EHBP1: variants seen among roughly 807,000 people sequenced by gnomAD.
EHBP1 encodes EH domain binding protein 1.
In EHBP1, 55 loss-of-function variants were observed where a neutral mutation model predicts 144.0. The ratio of observed to expected loss-of-function variants is 0.38; its 90% confidence interval spans 0.31 to 0.48. The LOEUF is 0.48. Among genes scored for constraint, EHBP1 ranks in the 20% least tolerant of loss-of-function variants. EHBP1 has a pLI of 0.98. For missense variants in EHBP1, 1,200 were observed against 1,364.2 expected (o/e 0.88, Z 1.90); for synonymous variants, 469 against 472.7 (o/e 0.99, Z 0.10).
chr2:63,045,262 C>G lies in EHBP1; in HGVS notation c.3392+82C>G. The G allele has an allele frequency of 1.4e-6, 2 of 1,429,752 alleles. No individual in the cohort carries two copies. The highest frequency in any genetic ancestry group is 2.0e-5 in the Admixed American group (1 of 50,404). 88.6% of individuals were successfully genotyped at this position (1,429,752 alleles called of 1,614,324 possible). A position where few individuals can be genotyped will look rare whatever the true frequency, so the allele number is the denominator to read the frequency against. On this transcript the variant is annotated intron_variant, in intron 22 of 22. Transcript: ENST00000431489. This position sits in a 1 kb window ranked among gnomAD's most constrained non-coding sequence, Gnocchi z 5.7. ...TGTGCGGAAAGTTCAATCCAGAGGT[C>G]GCGGGAGGGCCGGGGCAGCCTCCCA...
rs1427261674 is a variant in EHBP1, at chr2:62,996,540, T to C, written c.2980-103T>C. 3.6e-6 allele frequency: 5 copies of C among 1,405,592 alleles called. No individual in the cohort carries two copies. In the East Asian group the frequency reaches 9.3e-5, roughly 26 times the overall value. 87.1% of individuals were successfully genotyped at this position (1,405,592 alleles called of 1,614,324 possible). On this transcript the variant is annotated intron_variant, in intron 18 of 22. Transcript: ENST00000431489. The stretch of plus-strand genomic sequence containing the variant: ...TTGGTACTAAGGGTGATACTAACGG[T>C]GTATTTGGTTCTCTAGGTAAGTGCT...
At position 62,681,414 on chromosome 2, in the gene EHBP1, A is replaced by G. The variant is rs943203946; in HGVS notation, c.-296+7331A>G. Among the ~76,000 whole-genome samples the G allele has an allele frequency of 3.2e-3, 283 of 89,316 alleles. 1 individual carries two copies. The highest frequency in any genetic ancestry group is 5.7e-3 in the Admixed American group (40 of 7,064). 58.6% of individuals were successfully genotyped at this position (89,316 alleles called of 152,430 possible). ...TGTATATATGTATATATATATATAC[A>G]CATACAAAAAACTGAATACATGTAA... On this transcript the variant is annotated intron_variant, in intron 1 of 22. Transcript: ENST00000405015.
At chr2:62,841,729 CTTCTTTTCTTTT>C (rs1233210688) in intron 7 of EHBP1, among the ~76,000 whole-genome samples, 5 of 152,018 alleles carry the variant, frequency 3.3e-5, no homozygotes, top group South Asian at 2.1e-4. Flanking sequence ...TGAGTTTTGG[CTTCTTTTCTTTT>C]TTCTTTTCTT....
rs57403564 is a variant in EHBP1, at chr2:62,894,927, A to AAGAGAGAGAGAGAGAGAG, written c.1185+20407_1185+20424dup. The stretch of plus-strand genomic sequence containing the variant: ...CAAGACCCTAGCAAAAACAGAAAGA[A>AAGAGAGAGAGAGAGAGAG]AGAGAGAGAGAGAGAGAGAGAGAGA... On this transcript the variant is annotated intron_variant, in intron 10 of 22. Transcript: ENST00000431489. Among the ~76,000 whole-genome samples, 304 of 141,160 alleles carry AAGAGAGAGAGAGAGAGAG rather than the reference A, an allele frequency of 2.2e-3. 6 individuals carry two copies. Among genetic ancestry groups the AAGAGAGAGAGAGAGAGAG allele is most frequent in the African/African-American group, 6.8e-3 (253 of 37,094 alleles). 92.6% of individuals were successfully genotyped at this position (141,160 alleles called of 152,430 possible). A position where few individuals can be genotyped will look rare whatever the true frequency, so the allele number is the denominator to read the frequency against.
chr2:62,792,482 T>C (rs1347570538), intron 5 of EHBP1, among the ~76,000 whole-genome samples: 2 of 152,076 alleles, frequency 1.3e-5, no homozygotes, highest in Admixed American at 6.6e-5. Flanking sequence ...AACTACATAA[T>C]TGATTTCTGC....
intron 8 of EHBP1, among the ~76,000 whole-genome samples, chr2:62,863,726 T>G (rs1242577352): frequency 6.6e-6 from 1 of 151,954 alleles, no homozygotes; most frequent in Non-Finnish European, 1.5e-5. Context: ...GAATGAATTA[T>G]CAGATCCCTG....
chr2:62,930,015 G>A lies in EHBP1; in HGVS notation c.1186-12703G>A, dbSNP rs535671518. On this transcript the variant is annotated intron_variant, in intron 10 of 22. Coordinates refer to ENST00000431489, the MANE Select transcript of EHBP1 (RefSeq NM_001142616.3). ...TAATCCTAGCACTTTGGGAGGCCAA[G>A]GCAGGAGGATTGCTTGAGCTCAGGA... Among the ~76,000 whole-genome samples, 185 of 152,314 alleles carry A rather than the reference G, an allele frequency of 1.2e-3. 1 individual carries two copies. Among genetic ancestry groups the A allele is most frequent in the African/African-American group, 4.2e-3 (174 of 41,584 alleles).
intron 5 of EHBP1, among the ~76,000 whole-genome samples, chr2:62,783,772 A>C (rs1396533925): frequency 6.6e-6 from 1 of 152,228 alleles, no homozygotes; most frequent in Non-Finnish European, 1.5e-5. Context: ...GCTGCTGTGA[A>C]GGTCTCTGAC....
At chr2:62,900,886 A>G (rs530894118) in intron 10 of EHBP1, among the ~76,000 whole-genome samples, 2 of 152,176 alleles carry the variant, frequency 1.3e-5, no homozygotes, top group East Asian at 3.9e-4. Flanking sequence ...TATGTATTTG[A>G]TTATTTTTTA....
chr2:62,896,333 T>G (rs2052930180), intron 10 of EHBP1, among the ~76,000 whole-genome samples: 2 of 152,146 alleles, frequency 1.3e-5, no homozygotes, highest in African/African-American at 4.8e-5. Flanking sequence ...GTTATACAAG[T>G]CAGAGAACGT....
At chr2:62,959,968 G>C (rs1303182570) in intron 14 of EHBP1, among the ~76,000 whole-genome samples, 3 of 152,146 alleles carry the variant, frequency 2.0e-5, no homozygotes, top group Non-Finnish European at 4.4e-5. Flanking sequence ...CATGTACTCA[G>C]TACAGTTAGC....
intron 1 of EHBP1, among the ~76,000 whole-genome samples, chr2:62,683,565 A>G (rs2033606680): frequency 6.9e-6 from 1 of 145,234 alleles, no homozygotes; most frequent in Non-Finnish European, 1.5e-5. Flanking sequence ...AGGCTGGGGC[A>G]GGAGAATGGT....
chr2:62,895,086 C>T (rs2052791528), intron 10 of EHBP1, among the ~76,000 whole-genome samples: 1 of 152,080 alleles, frequency 6.6e-6, no homozygotes, highest in Non-Finnish European at 1.5e-5. Flanking sequence ...ACTTACATGG[C>T]ATTCCAGAAA....
At chr2:63,042,544 T>A (rs1285673677) in intron 21 of EHBP1, among the ~76,000 whole-genome samples, 1 of 152,090 alleles carries the variant, frequency 6.6e-6, no homozygotes. Context: ...TAAATTCTAA[T>A]GTCATTTAAA....
chr2:63,007,393 A>C lies in EHBP1; in HGVS notation c.3103+10627A>C, dbSNP rs945247320. ...TGACTTTTTCATTCTTTCTGTTTGC[A>C]TGCCAGCTTCTTTTTGTGGCATGCA... On this transcript the variant is annotated intron_variant, in intron 19 of 22. Coordinates refer to ENST00000431489, the MANE Select transcript of EHBP1 (RefSeq NM_001142616.3). Among the ~76,000 whole-genome samples the C allele has an allele frequency of 2.0e-5, 3 of 151,858 alleles. No homozygotes were observed. The East Asian group carries it at 5.8e-4, about 29-fold the overall frequency.
At chr2:62,696,505 C>CTTTTTTTTTTTTTTT (rs2034100748) in intron 1 of EHBP1, among the ~76,000 whole-genome samples, 1 of 99,156 alleles carries the variant, frequency 1.0e-5, no homozygotes, top group Admixed American at 1.2e-4. Flanking sequence ...TCTTTTTTTT[C>CTTTTTTTTTTTTTTT]TTCTTTTTTT....
intron 19 of EHBP1, among the ~76,000 whole-genome samples, chr2:63,024,463 A>G (rs1008952287): frequency 5.3e-5 from 8 of 152,220 alleles, no homozygotes; most frequent in African/African-American, 1.9e-4. Flanking sequence ...TGAGCTCAGC[A>G]TGGTGGCATG....
chr2:62,943,915 A>T, intron 12 of EHBP1, 65 bp downstream of exon 12: 7 of 1,269,756 alleles, frequency 5.5e-6, no homozygotes, highest in Non-Finnish European at 7.9e-6. Context: ...GTCTTTATTA[A>T]TTTGGAGAAA....
chr2:62,949,089 G>T lies in EHBP1; in HGVS notation c.2243G>T (p.Arg748Met), dbSNP rs1168696266. Reference sequence around the variant, plus strand: ...GCTAAGAAAAAACATGCTTCCCTGAGGCAGACGGAGTCTGATCCAGATGCT... The same window carrying T: ...GCTAAGAAAAAACATGCTTCCCTGATGCAGACGGAGTCTGATCCAGATGCT... ...DLAKKKHASLRQTESDPDADR... is the reference protein window; with the variant it reads ...DLAKKKHASLMQTESDPDADR... Residue 748 changes from arginine (R) to methionine (M), a missense_variant, in exon 13 of 23, where the codon AGG becomes ATG. Coordinates refer to ENST00000431489, the MANE Select transcript of EHBP1 (RefSeq NM_001142616.3). The T allele has an allele frequency of 5.6e-6, 9 of 1,603,070 alleles. No individual in the cohort carries two copies. Among genetic ancestry groups the T allele is most frequent in the African/African-American group, 1.4e-5 (1 of 74,028 alleles).
Sources: allele counts gnomAD v4.1 joint callset (sites outside exome capture counted in the v4.1 genomes callset), GRCh38; gene constraint gnomAD v4.1.1; non-coding constraint Gnocchi (gnomAD v3.1); transcripts MANE v1.5; gene names NCBI Gene and HGNC (gene_info 2026-07-23, HGNC 2026-07-21).